The following PLXNB2 variants were observed in gnomAD, a reference collection of about 807,000 sequenced individuals.
The protein encoded by PLXNB2 is plexin B2, also known as plexin-B2.
A neutral mutation model predicts 202.6 loss-of-function variants in PLXNB2; 85 were observed. The observed-to-expected ratio is 0.42, with a 90% CI of 0.35 to 0.50. The LOEUF (loss-of-function observed/expected upper bound fraction) is 0.50, where lower values mean the gene tolerates loss of function less well. PLXNB2 is among the 20% of genes least tolerant of loss of function. PLXNB2 has a pLI of 0.02. For missense variants in PLXNB2, 2,063 were observed against 2,586.2 expected (o/e 0.80, Z 4.39); for synonymous variants, 1,239 against 1,137.6 (o/e 1.09, Z -1.79).
Position 50,278,481 on chromosome 22 carries a change from C to A in PLXNB2, c.4686G>T (p.Gly1562=). The change falls in exon 30 of 37, where the codon GGG becomes GGT. Residue 1562 remains glycine, a synonymous_variant. Coordinates refer to ENST00000359337, the MANE Select transcript of PLXNB2 (RefSeq NM_012401.4). ...DGATLILSKV[G]VSQQPEDSQQ... is the part of the protein sequence containing the mutation. ...GGCTGTCCTCCGGCTGCTGGGAGACCCCCACCTTGGACAGGATGAGGGTGG... is the reference window on the plus strand; with the variant it reads ...GGCTGTCCTCCGGCTGCTGGGAGACACCCACCTTGGACAGGATGAGGGTGG... 6.4e-7 allele frequency: 1 copy of A among 1,561,600 alleles called. No homozygotes were observed.
In PLXNB2 at chr22:50,286,045, T is replaced by C. The variant is rs2066431676; in HGVS notation, c.1931A>G (p.His644Arg). ...RWTCQWDLRYHECREASPNPE... is the reference protein window; with the variant it reads ...RWTCQWDLRYRECREASPNPE... ...GTTGGGCGAAGCCTCCCGGCACTCG[T>C]GGTAGCGCAGGTCCCACTGGCAGGT... Residue 644 changes from histidine to arginine, a missense_variant, in exon 10 of 37, where the codon CAC becomes CGC. This residue lies in a region of PLXNB2 where 1,303 missense variants were observed against 1,476.8 expected (regional missense o/e 0.88). Transcript: ENST00000359337. 2 of 1,612,348 alleles carry C rather than the reference T, an allele frequency of 1.2e-6. No individual in the cohort carries two copies. Among genetic ancestry groups the C allele is most frequent in the East Asian group, 2.2e-5 (1 of 44,858 alleles).
chr22:50,292,802 G>A (rs561517071), intron 2 of PLXNB2, among the ~76,000 whole-genome samples: 38 of 152,302 alleles, frequency 2.5e-4, no homozygotes, highest in Non-Finnish European at 4.1e-4. Context: ...AGACGCAACC[G>A]ACCGACAACA....
intron 1 of PLXNB2, among the ~76,000 whole-genome samples, chr22:50,303,778 G>A (rs1293611212): frequency 6.6e-6 from 1 of 152,226 alleles, no homozygotes; most frequent in Non-Finnish European, 1.5e-5. Flanking sequence ...TGCCTCTGAT[G>A]CTGCTGCTGC....
rs368071255 is a variant in PLXNB2 at position 50,284,547 on chromosome 22, C to T, written c.2181+26G>A. 3.6e-5 allele frequency: 57 copies of T among 1,581,570 alleles called. No individual in the cohort carries two copies. The highest frequency in any genetic ancestry group is 1.7e-4 in the Middle Eastern group (1 of 6,014). On this transcript the variant is annotated intron_variant, in intron 12 of 36. Coordinates refer to ENST00000359337, the MANE Select transcript of PLXNB2 (RefSeq NM_012401.4). This position sits in a 1 kb window ranked among gnomAD's most constrained non-coding sequence, Gnocchi z 8.0. ...ACCCGGGGCCCTGGGGTCCAGCAGC[C>T]GAGCCGGCCTGCCCTGGAGCCGTAC...
intron 1 of PLXNB2, among the ~76,000 whole-genome samples, chr22:50,298,615 C>A (rs1304668605): frequency 6.6e-6 from 1 of 152,180 alleles, no homozygotes; most frequent in African/African-American, 2.4e-5. Context: ...GAGTTCTCTG[C>A]CTTTCAGTAT....
Position 50,280,486 on chromosome 22 carries a change from C to G in PLXNB2, c.4175+3G>C, listed in dbSNP as rs751414958. ...CCCCGCTCGTGGCCCCGCCCATGTG[C>G]ACCTGCGCAGCATCAGCTTGGGGTT... On this transcript the variant is annotated splice_donor_region_variant and intron_variant, in intron 25 of 36. Transcript: ENST00000359337. 2.5e-6 allele frequency: 4 copies of G among 1,602,992 alleles called. No individual in the cohort carries two copies. The highest frequency in any genetic ancestry group is 3.4e-6 in the Non-Finnish European group (4 of 1,175,750).
intron 35 of PLXNB2, 114 bp downstream of exon 35, chr22:50,276,515 A>C (rs1373128331): frequency 1.1e-6 from 1 of 924,452 alleles, no homozygotes; most frequent in Non-Finnish European, 1.8e-6. Flanking sequence ...GTCCCGCCCC[A>C]CCCTCTCTCC....
At chr22:50,276,054 C>T (rs1057454430) in intron 35 of PLXNB2, 91 bp from the exon 36 acceptor site, 7 of 1,268,962 alleles carry the variant, frequency 5.5e-6, no homozygotes, top group Non-Finnish European at 4.6e-6. Context: ...GACGAGGCCT[C>T]CCCGGGGAAG....
At chr22:50,285,188 C>T (rs1307199160) in intron 11 of PLXNB2, among the ~76,000 whole-genome samples, 2 of 151,208 alleles carry the variant, frequency 1.3e-5, no homozygotes, top group African/African-American at 2.4e-5. Context: ...CGTACCTTAG[C>T]CTGCCTGTCA....
intron 24 of PLXNB2, 30 bp downstream of exon 24, chr22:50,280,714 G>GGGCCCCCCCCCCCCCC: frequency 6.5e-7 from 1 of 1,528,944 alleles, no homozygotes; most frequent in Non-Finnish European, 8.9e-7. Flanking sequence ...CCACCTGTGT[G>GGGCCCCCCCCCCCCCC]CCCTCCCGCC....
Position 50,282,922 on chromosome 22 carries a change from C to T in PLXNB2, c.2817-41G>A, listed in dbSNP as rs371472945. 1,321 of 1,571,190 alleles carry T rather than the reference C, an allele frequency of 8.4e-4. 3 individuals are homozygous for T. The highest frequency in any genetic ancestry group is 1.0e-3 in the South Asian group (88 of 85,518). ...TGCTGGTCTGCATCAACCCCTCCCC[C>T]GGGACCAGCCCCAGCCCGACCAGGC... On this transcript the variant is annotated intron_variant, in intron 17 of 36. Transcript: ENST00000359337.
In PLXNB2 at chr22:50,289,066, G is replaced by A. The variant is rs760906220; in HGVS notation, c.1145C>T (p.Thr382Ile). The A allele has an allele frequency of 2.4e-5, 39 of 1,605,604 alleles. No homozygotes were observed. The highest frequency in any genetic ancestry group is 3.1e-5 in the Non-Finnish European group (37 of 1,175,996). Residue 382 changes from threonine (T) to isoleucine (I), a missense_variant, in exon 4 of 37, where the codon ACA (threonine) becomes ATA (isoleucine). Around this residue, in one of 2 missense-constraint regions of PLXNB2, gnomAD observed 1,303 missense variants for 1,476.8 expected, o/e 0.88. Transcript: ENST00000359337. The surrounding 1 kb of genome is among the most constrained non-coding windows in gnomAD (Gnocchi z 8.0). The part of the protein sequence containing the change: ...PLGSRDGLRG[T>I]AVLQRGGLNL... ...CAGGCCTCCACGCTGCAGCACGGCT[G>A]TGCCTCTGAGCCCGTCGCGGCTGCC...
rs1022660547 is a variant in PLXNB2 at position 50,284,270 on chromosome 22, G to A, written c.2182-57C>T. On this transcript the variant is annotated intron_variant, in intron 12 of 36. Transcript: ENST00000359337. The surrounding 1 kb of genome is among the most constrained non-coding windows in gnomAD (Gnocchi z 8.0). ...CTGCCCCCACAGAGGGGCGTGGGGC[G>A]GGGGTCACAAGGGCAGCCTCCCTGT... The A allele has an allele frequency of 3.6e-5, 55 of 1,520,692 alleles. No homozygotes were observed. The highest frequency in any genetic ancestry group is 1.1e-4 in the East Asian group (5 of 44,444). The allele number at this position is 1,520,692 out of a possible 1,614,324, so 94.2% of individuals were successfully genotyped here. A position where few individuals can be genotyped will look rare whatever the true frequency, so the allele number is the denominator to read the frequency against.
intron 1 of PLXNB2, among the ~76,000 whole-genome samples, chr22:50,304,541 A>AG (rs1273633304): frequency 1.3e-5 from 2 of 152,144 alleles, no homozygotes; most frequent in East Asian, 3.8e-4. Flanking sequence ...GGGAAGAAGC[A>AG]GGCCCTGTGT....
rs904267826 is a variant in PLXNB2, at chr22:50,284,392, C to T, written c.2182-179G>A. 29 of 733,190 alleles carry T rather than the reference C, an allele frequency of 4.0e-5. No individual in the cohort carries two copies. Among genetic ancestry groups the T allele is most frequent in the Non-Finnish European group, 5.8e-5 (25 of 434,240 alleles). 45.4% of individuals were successfully genotyped at this position (733,190 alleles called of 1,614,324 possible). On this transcript the variant is annotated intron_variant, in intron 12 of 36. Transcript: ENST00000359337. The surrounding 1 kb of genome is among the most constrained non-coding windows in gnomAD (Gnocchi z 8.0). ...GGACGCTGCTCTGTGCCACTCTGTC[C>T]CCAGGGAGGCAGAGGGCAGAGGGGG...
Position 50,283,621 on chromosome 22 carries a change from G to C in PLXNB2, c.2551C>G (p.Arg851Gly). The change falls in exon 15 of 37, where the codon CGT (arginine) becomes GGT (glycine). Residue 851 changes from arginine (R) to glycine (G), a missense_variant. Physicochemically the swap from Arg to Gly is moderately radical, Grantham distance 125 (BLOSUM62 -2). This residue lies in a region of PLXNB2 where 1,303 missense variants were observed against 1,476.8 expected (regional missense o/e 0.88). Coordinates refer to ENST00000359337, the MANE Select transcript of PLXNB2 (RefSeq NM_012401.4). ...ACTCACCGGGTGGACACGGAGTAAC[G>C]TTCCGGCTGAAAGGAGCAGTTCCGG... is the stretch of plus-strand genomic sequence containing the variant. ...AGRNCSFQPE[R>G]YSVSTRIVCV... 2 of 1,612,432 alleles carry C rather than the reference G, an allele frequency of 1.2e-6. No homozygotes were observed. Among genetic ancestry groups the C allele is most frequent in the Non-Finnish European group, 1.7e-6 (2 of 1,179,740 alleles).
intron 1 of PLXNB2, among the ~76,000 whole-genome samples, chr22:50,306,791 C>T (rs1272735964): frequency 6.6e-6 from 1 of 152,216 alleles, no homozygotes; most frequent in Non-Finnish European, 1.5e-5. Flanking sequence ...TCTTCCTTTC[C>T]CAGGGAGCTT....
chr22:50,306,680 C>CT (rs1174533112), intron 1 of PLXNB2, among the ~76,000 whole-genome samples: 3 of 137,988 alleles, frequency 2.2e-5, no homozygotes, highest in Admixed American at 7.2e-5. Context: ...GGGTTTGGGG[C>CT]CCACCCTCAC....
Position 50,278,145 on chromosome 22 carries a change from A to ATC in PLXNB2, c.4857_4858dup (p.Ile1620ArgfsTer4). ...GACTGAGAGCAGCCGCGTCAGGTAG[A>ATC]TCTCGGTGATGGCCTTCGTCCGCTC... is the stretch of plus-strand genomic sequence containing the variant. On this transcript the variant is annotated frameshift_variant, in exon 31 of 37. Transcript: ENST00000359337. LOFTEE classifies it high-confidence loss of function. The ATC allele has an allele frequency of 6.2e-7, 1 of 1,602,906 alleles. No homozygotes were observed. Among genetic ancestry groups the ATC allele is most frequent in the Non-Finnish European group, 8.5e-7 (1 of 1,179,786 alleles).
Sources: allele counts gnomAD v4.1 joint callset (sites outside exome capture counted in the v4.1 genomes callset), GRCh38; gene constraint gnomAD v4.1.1; regional missense constraint gnomAD v4.1.1; non-coding constraint Gnocchi (gnomAD v3.1); transcripts MANE v1.5; gene names NCBI Gene and HGNC (gene_info 2026-07-23, HGNC 2026-07-21).